COQ7: variants seen among roughly 807,000 people sequenced by gnomAD.
The protein encoded by COQ7 is NADPH-dependent 3-demethoxyubiquinone 3-hydroxylase, mitochondrial.
A neutral mutation model predicts 25.0 loss-of-function variants in COQ7; 21 were observed. That is an observed-to-expected ratio of 0.84 (90% CI 0.60 to 1.21). The LOEUF is 1.21. COQ7 is among the 50% of genes most tolerant of loss of function. The probability of loss-of-function intolerance (pLI) is 0.00; values close to 1 mark genes in which losing one functional copy is unlikely to be tolerated. For synonymous variants in COQ7, 125 were observed against 112.4 expected, an observed-to-expected ratio of 1.11 and a Z score of -0.71; for missense variants, 311 against 296.2, an observed-to-expected ratio of 1.05 and a Z score of -0.37.
intron 3 of COQ7, 26 bp downstream of exon 3, chr16:19,074,061 T>C: frequency 6.4e-7 from 1 of 1,554,554 alleles, no homozygotes; most frequent in South Asian, 1.1e-5. Context: ...GAAGAGCTTA[T>C]GCAAGCTTGG....
intron 5 of COQ7, 149 bp downstream of exon 5, chr16:19,077,523 A>G: frequency 1.9e-6 from 1 of 535,962 alleles, no homozygotes. Context: ...AAAAGCAAGC[A>G]AACGCATTAT....
chr16:19,072,444 G>C, intron 2 of COQ7: 1 of 241,726 alleles, frequency 4.1e-6, no homozygotes, highest in Non-Finnish European at 8.1e-6. Flanking sequence ...TACCGTGCCA[G>C]AGAGGTATTG....
rs1023691272 is a variant in COQ7 at position 19,079,157 on chromosome 16, T to A, written c.*999T>A. 1 of 152,216 alleles carries A rather than the reference T, an allele frequency of 6.6e-6. No individual in the cohort carries two copies. The highest frequency in any genetic ancestry group is 6.6e-5 in the Admixed American group (1 of 15,264). The allele number at this position is 152,216 out of a possible 1,614,324, so 9.4% of individuals were successfully genotyped here. On this transcript the variant is annotated 3_prime_UTR_variant, in exon 6 of 6. Coordinates refer to ENST00000321998, the MANE Select transcript of COQ7 (RefSeq NM_016138.5). Reference sequence around the variant, plus strand: ...AGACTTCAAGGGGAAGTATGAGACTTCTCTGAGGAAGCAGACCCTTCACAA... The same window carrying A: ...AGACTTCAAGGGGAAGTATGAGACTACTCTGAGGAAGCAGACCCTTCACAA...
At position 19,078,568 on chromosome 16, in the gene COQ7, A is replaced by G. The variant is rs964820542; in HGVS notation, c.*410A>G. 7 of 152,014 alleles carry G rather than the reference A, an allele frequency of 4.6e-5. No homozygotes were observed. The highest frequency in any genetic ancestry group is 1.7e-4 in the African/African-American group (7 of 41,308). The allele number at this position is 152,014 out of a possible 1,614,324, so 9.4% of individuals were successfully genotyped here. ...CCTCCTAGCCTCAAGCAATCCACCCACCTCAGCCTTCCAAGTAGCTGGGAC... is the reference window on the plus strand; with the variant it reads ...CCTCCTAGCCTCAAGCAATCCACCCGCCTCAGCCTTCCAAGTAGCTGGGAC... On this transcript the variant is annotated 3_prime_UTR_variant, in exon 6 of 6. Transcript: ENST00000321998.
Position 19,067,720 on chromosome 16 carries a change from C to CCCGGCGGT in COQ7, c.59_66dup (p.Leu23GlyfsTer20). 6.2e-7 allele frequency: 1 copy of CCCGGCGGT among 1,605,270 alleles called. No homozygotes were observed. The highest frequency in any genetic ancestry group is 1.3e-5 in the African/African-American group (1 of 74,646). On this transcript the variant is annotated frameshift_variant, in exon 1 of 6. Coordinates refer to ENST00000321998, the MANE Select transcript of COQ7 (RefSeq NM_016138.5). LOFTEE classifies it high-confidence loss of function. Reference sequence around the variant, plus strand: ...CGCCTTTGGCGGCTGCGCCCGGGGGCCCGGCGGTCCCTCTCAGGTAAAAGG... The same window carrying CCCGGCGGT: ...CGCCTTTGGCGGCTGCGCCCGGGGGCCCGGCGGTCCGGCGGTCCCTCTCAGGTAAAAGG...
rs1167422236 is a variant in COQ7, at chr16:19,072,062, C to CAGATGGCT, written c.209_216dup (p.Val73ArgfsTer25). ...TGGAGCAAACCGCATCTATGCCGGGCAGATGGCTGTCCTGGGTCGGACCAG... is the reference window on the plus strand; with the variant it reads ...TGGAGCAAACCGCATCTATGCCGGGCAGATGGCTAGATGGCTGTCCTGGGTCGGACCAG... On this transcript the variant is annotated frameshift_variant, in exon 2 of 6. Transcript: ENST00000321998. LOFTEE classifies it high-confidence loss of function. The CAGATGGCT allele has an allele frequency of 6.2e-7, 1 of 1,614,174 alleles. No individual in the cohort carries two copies. Among genetic ancestry groups the CAGATGGCT allele is most frequent in the East Asian group, 2.2e-5 (1 of 44,880 alleles).
chr16:19,078,991 C>T lies in COQ7; in HGVS notation c.*833C>T, dbSNP rs559525939. The stretch of plus-strand genomic sequence containing the variant: ...TGTATGTCTGTGTCTCCCTAGAATT[C>T]ATACGATGAAATCTTCACTCTCAAG... On this transcript the variant is annotated 3_prime_UTR_variant, in exon 6 of 6. Transcript: ENST00000321998. The T allele has an allele frequency of 7.2e-5, 11 of 152,222 alleles. No homozygotes were observed. Among genetic ancestry groups the T allele is most frequent in the African/African-American group, 2.6e-4 (11 of 41,530 alleles). 9.4% of individuals were successfully genotyped at this position (152,222 alleles called of 1,614,324 possible).
chr16:19,068,108 G>A, intron 1 of COQ7: 1 of 1,083,360 alleles, frequency 9.2e-7, no homozygotes, highest in Non-Finnish European at 1.1e-6. Context: ...GCCTTGCCAG[G>A]CAAAGGGTAG....
At chr16:19,072,283 A>G in intron 2 of COQ7, 177 bp downstream of exon 2, 1 of 677,960 alleles carries the variant, frequency 1.5e-6, no homozygotes, top group Non-Finnish European at 2.5e-6. Context: ...CTTTTTATGG[A>G]TAAAGCACAG....
At chr16:19,068,083 T>C in intron 1 of COQ7, 1 of 1,148,992 alleles carries the variant, frequency 8.7e-7, no homozygotes, top group South Asian at 2.6e-5. Flanking sequence ...TCTCTCTTTG[T>C]AGTCTTTGCC....
At position 19,077,602 on chromosome 16, in the gene COQ7, T is replaced by TTTTTTTTTTTTTTTTTTTC. The variant is rs1383551592; in HGVS notation, c.576+230_576+231insTTTTTTTTTTTTTTTTCTT. Among the ~76,000 whole-genome samples, 28 of 140,364 alleles carry TTTTTTTTTTTTTTTTTTTC rather than the reference T, an allele frequency of 2.0e-4. 1 individual carries two copies. The highest frequency in any genetic ancestry group is 3.4e-4 in the Non-Finnish European group (22 of 63,892). 92.1% of individuals were successfully genotyped at this position (140,364 alleles called of 152,430 possible). A position where few individuals can be genotyped will look rare whatever the true frequency, so the allele number is the denominator to read the frequency against. On this transcript the variant is annotated intron_variant, in intron 5 of 5. Transcript: ENST00000321998. ...TTTTCCCCAGAAGCTTTTTTTTTTT[T>TTTTTTTTTTTTTTTTTTTC]TTCCCAGACACAGTCTCACTCTGTC...
rs966828758 is a variant in COQ7, at chr16:19,078,400, T to C, written c.*242T>C. ...AGTTACAGCAAACGAAGCTGGGCCTTGTTTGGTCTCATACTTAATTTTCTT... is the reference window on the plus strand; with the variant it reads ...AGTTACAGCAAACGAAGCTGGGCCTCGTTTGGTCTCATACTTAATTTTCTT... On this transcript the variant is annotated 3_prime_UTR_variant, in exon 6 of 6. Coordinates refer to ENST00000321998, the MANE Select transcript of COQ7 (RefSeq NM_016138.5). The C allele has an allele frequency of 1.2e-5, 4 of 327,884 alleles. No individual in the cohort carries two copies. Among genetic ancestry groups the C allele is most frequent in the Non-Finnish European group, 2.2e-5 (4 of 182,742 alleles). The allele number at this position is 327,884 out of a possible 1,614,324, so 20.3% of individuals were successfully genotyped here.
chr16:19,077,504 G>A (rs182436497), intron 5 of COQ7, 130 bp downstream of exon 5: 134 of 629,140 alleles, frequency 2.1e-4, no homozygotes, highest in Non-Finnish European at 3.3e-4. Flanking sequence ...CAATGACGTT[G>A]CTTTGACAAA....
downstream of COQ7, among the ~76,000 whole-genome samples, chr16:19,082,703 A>G (rs140267420): frequency 1.4e-3 from 219 of 151,886 alleles, no homozygotes; most frequent in African/African-American, 5.1e-3. Context: ...GGTGGCAGAG[A>G]TTTCAGTGAG....
intron 4 of COQ7, among the ~76,000 whole-genome samples, chr16:19,077,100 C>G (rs1410408305): frequency 6.6e-6 from 1 of 152,210 alleles, no homozygotes; most frequent in East Asian, 1.9e-4. Flanking sequence ...ACAAGCACGT[C>G]CATTTGTTTG....
chr16:19,070,765 T>C (rs1189842294), intron 1 of COQ7, among the ~76,000 whole-genome samples: 3 of 148,898 alleles, frequency 2.0e-5, no homozygotes, highest in Non-Finnish European at 1.5e-5. Context: ...AAAAAAAAAG[T>C]GATACCAGTG....
At chr16:19,081,109 T>TAA (rs1963090698), downstream of COQ7, among the ~76,000 whole-genome samples, 1 of 152,218 alleles carries the variant, frequency 6.6e-6, no homozygotes, top group Non-Finnish European at 1.5e-5. Flanking sequence ...GTTTTGTTTT[T>TAA]CAGAGTCAAG....
intron 1 of COQ7, chr16:19,068,059 C>A: frequency 8.3e-7 from 1 of 1,206,576 alleles, no homozygotes; most frequent in South Asian, 2.4e-5. Flanking sequence ...GAAAATTCAG[C>A]GTCTCCGGGA....
chr16:19,072,284 T>A, intron 2 of COQ7, 178 bp downstream of exon 2: 1 of 672,896 alleles, frequency 1.5e-6, no homozygotes, highest in Non-Finnish European at 2.5e-6. Flanking sequence ...TTTTTATGGA[T>A]AAAGCACAGA....
Sources: allele counts gnomAD v4.1 joint callset (sites outside exome capture counted in the v4.1 genomes callset), GRCh38; gene constraint gnomAD v4.1.1; transcripts MANE v1.5; gene names NCBI Gene and HGNC (gene_info 2026-07-23, HGNC 2026-07-21).